Variants in ANKRD55 observed in about 807,000 individuals in gnomAD.
ANKRD55 encodes ankyrin repeat domain 55.
A neutral mutation model predicts 60.6 loss-of-function variants in ANKRD55; 41 were observed. The ratio of observed to expected loss-of-function variants is 0.68; its 90% CI spans 0.53 to 0.88. The LOEUF is 0.88. Ranked by LOEUF, ANKRD55 falls within the 40% of genes least tolerant of loss-of-function variation. The pLI, the probability that ANKRD55 is intolerant of heterozygous loss-of-function variation, is 0.00. For missense variants in ANKRD55, 732 were observed against 767.6 expected (o/e 0.95, Z 0.55); for synonymous variants, 264 against 290.3 (o/e 0.91, Z 0.92).
At chr5:56,207,180 A>G (rs1387125907) in intron 2 of ANKRD55, among the ~76,000 whole-genome samples, 1 of 152,056 alleles carries the variant, frequency 6.6e-6, no homozygotes, top group Non-Finnish European at 1.5e-5. Flanking sequence ...TGTAACAACT[A>G]CCTTTTCAGG....
At chr5:56,199,657 G>A (rs1030333434) in intron 2 of ANKRD55, among the ~76,000 whole-genome samples, 6 of 151,758 alleles carry the variant, frequency 4.0e-5, no homozygotes, top group Non-Finnish European at 7.4e-5. Context: ...TTGGGAGGCC[G>A]AGGTGGGCGG....
chr5:56,121,991 C>T (rs1482453073), intron 8 of ANKRD55, among the ~76,000 whole-genome samples: 3 of 152,138 alleles, frequency 2.0e-5, no homozygotes, highest in Non-Finnish European at 2.9e-5. Flanking sequence ...GTAACCTGTC[C>T]CAGTGGGTTT....
intron 8 of ANKRD55, among the ~76,000 whole-genome samples, chr5:56,117,702 T>C (rs922638974): frequency 6.6e-6 from 1 of 152,230 alleles, no homozygotes; most frequent in Admixed American, 6.5e-5. Context: ...TCCACCCGCC[T>C]TGGCCTCCCA....
chr5:56,100,221 T>C lies in ANKRD55; in HGVS notation c.1807A>G (p.Ser603Gly), dbSNP rs1415496679. 1 of 1,614,088 alleles carries C rather than the reference T, an allele frequency of 6.2e-7. No homozygotes were observed. Among genetic ancestry groups the C allele is most frequent in the African/African-American group, 1.3e-5 (1 of 74,950 alleles). Residue 603 changes from serine to glycine, a missense_variant, in exon 12 of 12, where the codon AGT becomes GGT. Physicochemically the swap from Ser to Gly is moderately conservative, Grantham distance 56. Transcript: ENST00000341048. ...CTGGTGGGGTTGGCAGAATGTTCAC[T>C]CTCTTCTGCTGCTGTGCTGTGTCTT... is the stretch of plus-strand genomic sequence containing the variant. ...QRRHSTAAEE[S>G]EHSANPTSDE...
intron 6 of ANKRD55, among the ~76,000 whole-genome samples, chr5:56,151,255 G>C (rs1359360859): frequency 2.6e-5 from 4 of 152,180 alleles, no homozygotes; most frequent in Non-Finnish European, 4.4e-5. Flanking sequence ...CTGCTCTAAA[G>C]TCTACAGGAC....
intron 9 of ANKRD55, among the ~76,000 whole-genome samples, chr5:56,115,141 A>C (rs892484481): frequency 2.6e-5 from 4 of 151,902 alleles, no homozygotes; most frequent in Non-Finnish European, 5.9e-5. Context: ...TCAAGGTTGC[A>C]GTAAGCCATG....
intron 2 of ANKRD55, among the ~76,000 whole-genome samples, chr5:56,225,318 T>C (rs1760081818): frequency 6.6e-6 from 1 of 152,212 alleles, no homozygotes; most frequent in Non-Finnish European, 1.5e-5. Flanking sequence ...AAATTAGGTA[T>C]TGATGGGACG....
rs180883109 is a variant in ANKRD55, at chr5:56,100,430, A to G, written c.1724-126T>C. The G allele has an allele frequency of 2.4e-4, 269 of 1,127,368 alleles. 1 individual carries two copies. The African/African-American group carries it at 3.8e-3, about 16-fold the overall frequency. 69.8% of individuals were successfully genotyped at this position (1,127,368 alleles called of 1,614,324 possible). On this transcript the variant is annotated intron_variant, in intron 11 of 11. Transcript: ENST00000341048. ...AGAAGTGTGTCTTGGTGAGAGCTAG[A>G]CTGCAGAGAGAAGCTGTGTATGTAT...
intron 6 of ANKRD55, among the ~76,000 whole-genome samples, chr5:56,155,306 A>G (rs1314499719): frequency 2.0e-5 from 3 of 152,190 alleles, no homozygotes; most frequent in African/African-American, 7.2e-5. Context: ...GCAGAAGCAA[A>G]GAACAAAAAG....
chr5:56,221,703 G>A (rs544393099), intron 2 of ANKRD55, among the ~76,000 whole-genome samples: 9 of 152,348 alleles, frequency 5.9e-5, no homozygotes, highest in Middle Eastern at 3.4e-3. Flanking sequence ...ATTATATCCC[G>A]TGCCTAGCTT....
At chr5:56,143,761 C>G in intron 7 of ANKRD55, 40 bp downstream of exon 7, 1 of 1,611,602 alleles carries the variant, frequency 6.2e-7, no homozygotes, top group Non-Finnish European at 8.5e-7. Context: ...CTGCTTTCCA[C>G]CATTTAAACC....
At chr5:56,230,479 T>C (rs191566585) in intron 2 of ANKRD55, among the ~76,000 whole-genome samples, 1 of 152,194 alleles carries the variant, frequency 6.6e-6, no homozygotes, top group Non-Finnish European at 1.5e-5. Flanking sequence ...TCTGTCCCCA[T>C]CTGCATGTAA....
At chr5:56,188,669 G>T (rs937421193) in intron 2 of ANKRD55, among the ~76,000 whole-genome samples, 1 of 152,092 alleles carries the variant, frequency 6.6e-6, no homozygotes, top group Admixed American at 6.6e-5. Flanking sequence ...CTGTTCCATT[G>T]GTCTACGTGG....
intron 5 of ANKRD55, among the ~76,000 whole-genome samples, chr5:56,160,397 C>T (rs1371667702): frequency 6.6e-6 from 1 of 152,162 alleles, no homozygotes; most frequent in Admixed American, 6.5e-5. Context: ...CCGCACCACG[C>T]CCTGCTAATT....
chr5:56,222,523 G>A lies in ANKRD55; in HGVS notation c.58+10333C>T, dbSNP rs1759993544. Among the ~76,000 whole-genome samples, 2 of 152,196 alleles carry A rather than the reference G, an allele frequency of 1.3e-5. 1 individual carries two copies. Among genetic ancestry groups the A allele is most frequent in the South Asian group, 4.1e-4 (2 of 4,828 alleles). ...TGACTTTGATGAGTTGAGAGAAAAA[G>A]GCTTCAGAAGATCAGTAATAACAAA... On this transcript the variant is annotated intron_variant, in intron 2 of 11. Coordinates refer to ENST00000341048, the MANE Select transcript of ANKRD55 (RefSeq NM_024669.3).
At position 56,163,998 on chromosome 5, in the gene ANKRD55, C is replaced by T. The variant is rs1045367835; in HGVS notation, c.423-4105G>A. ...TTCCAGCTACTAGGGAGGCTGAGGT[C>T]GGAGAATTGCTTCAATCTGGGAGGT... is the stretch of plus-strand genomic sequence containing the variant. On this transcript the variant is annotated intron_variant, in intron 5 of 11. Coordinates refer to ENST00000341048, the MANE Select transcript of ANKRD55 (RefSeq NM_024669.3). 3.9e-5 allele frequency among the ~76,000 whole-genome samples: 6 copies of T among 151,970 alleles called. No individual in the cohort carries two copies. In the South Asian group the frequency reaches 1.0e-3, roughly 26 times the overall value.
chr5:56,170,672 T>C (rs546536298), intron 5 of ANKRD55, 22 bp downstream of exon 5: 2 of 1,600,246 alleles, frequency 1.2e-6, no homozygotes, highest in African/African-American at 1.3e-5. Flanking sequence ...AACTTGAGCA[T>C]CATGTAAACC....
intron 5 of ANKRD55, among the ~76,000 whole-genome samples, chr5:56,166,201 C>CCTTCCTTCTT (rs759875553): frequency 8.5e-6 from 1 of 117,390 alleles, no homozygotes; most frequent in African/African-American, 3.7e-5. Context: ...TTCCTTCCTT[C>CCTTCCTTCTT]TCTCTCTCTC....
chr5:56,133,867 T>C (rs1199671040), intron 7 of ANKRD55, among the ~76,000 whole-genome samples: 2 of 114,206 alleles, frequency 1.8e-5, no homozygotes, highest in African/African-American at 5.7e-5. Flanking sequence ...CTAGAATCAA[T>C]TATATAAGCT....
Sources: allele counts gnomAD v4.1 joint callset (sites outside exome capture counted in the v4.1 genomes callset), GRCh38; gene constraint gnomAD v4.1.1; transcripts MANE v1.5; gene names NCBI Gene and HGNC (gene_info 2026-07-23, HGNC 2026-07-21).